The following MAK variants were observed in gnomAD, a reference collection of about 807,000 sequenced individuals.
The protein encoded by MAK is serine/threonine-protein kinase MAK.
MAK carries 65 observed loss-of-function variants against 82.6 expected under a neutral mutation model. That is an observed-to-expected ratio of 0.79 (90% CI 0.64 to 0.97). The LOEUF is 0.97. Among genes scored for constraint, MAK ranks in the 50% least tolerant of loss-of-function variants. The pLI, the probability that MAK is intolerant of heterozygous loss-of-function variation, is 0.00. For missense variants in MAK, 703 were observed against 780.2 expected, an observed-to-expected ratio of 0.90 and a Z score of 1.18; for synonymous variants, 250 against 274.2, an observed-to-expected ratio of 0.91 and a Z score of 0.87.
At chr6:10,799,931 C>G (rs909204927) in intron 8 of MAK, among the ~76,000 whole-genome samples, 1 of 152,116 alleles carries the variant, frequency 6.6e-6, no homozygotes, top group Non-Finnish European at 1.5e-5. Context: ...ACCTGTAGTC[C>G]CAGCTACTAG....
chr6:10,805,085 G>C (rs1776318510), intron 6 of MAK, among the ~76,000 whole-genome samples: 1 of 138,570 alleles, frequency 7.2e-6, no homozygotes, highest in African/African-American at 2.6e-5. Context: ...GGGGGGTGGG[G>C]AGGGGGCGTG....
intron 11 of MAK, among the ~76,000 whole-genome samples, chr6:10,778,060 G>A (rs1196492296): frequency 6.6e-6 from 1 of 152,198 alleles, no homozygotes; most frequent in Non-Finnish European, 1.5e-5. Flanking sequence ...CTGTTAGGAA[G>A]AAGCATAAAT....
intron 6 of MAK, among the ~76,000 whole-genome samples, 187 bp downstream of exon 6, chr6:10,808,621 TTC>T (rs1292860694): frequency 3.3e-5 from 5 of 152,200 alleles, no homozygotes; most frequent in African/African-American, 4.8e-5. Flanking sequence ...ATAAATGAAA[TTC>T]TTTTTCCTTT....
intron 7 of MAK, 102 bp from the exon 8 acceptor site, chr6:10,802,161 G>A: frequency 1.2e-6 from 1 of 865,190 alleles, no homozygotes. Context: ...ATTTATGTTT[G>A]AACATTTTCA....
intron 11 of MAK, among the ~76,000 whole-genome samples, chr6:10,783,782 A>G (rs1236212837): frequency 6.6e-6 from 1 of 152,210 alleles, no homozygotes; most frequent in African/African-American, 2.4e-5. Context: ...GCACTTTGGG[A>G]GGCCAAGGCG....
At chr6:10,780,904 C>T (rs559554173) in intron 11 of MAK, among the ~76,000 whole-genome samples, 1 of 152,014 alleles carries the variant, frequency 6.6e-6, no homozygotes, top group East Asian at 1.9e-4. Context: ...CTCATGATTT[C>T]AACACCAAAA....
intron 2 of MAK, chr6:10,827,681 T>C (rs1271522410): frequency 6.6e-6 from 1 of 152,198 alleles, no homozygotes; most frequent in Non-Finnish European, 1.5e-5. Flanking sequence ...TGTTTTACTT[T>C]TGTTTTTGTT....
chr6:10,827,856 A>T (rs1778502245), intron 2 of MAK: 1 of 151,654 alleles, frequency 6.6e-6, no homozygotes, highest in African/African-American at 2.4e-5. Context: ...TAATTTTTGT[A>T]TTTTCTGTAG....
At chr6:10,771,737 A>T (rs76875132) in intron 13 of MAK, among the ~76,000 whole-genome samples, 55 of 152,376 alleles carry the variant, frequency 3.6e-4, no homozygotes, top group African/African-American at 1.3e-3. Flanking sequence ...AAAGGGTTAC[A>T]TACAGTGAGC....
In MAK at chr6:10,773,084, T is replaced by C; in HGVS notation, c.1622A>G (p.Glu541Gly). Reference sequence around the variant, plus strand: ...AAAAGTTTCATTGCATGATAGTTTTTCGATTGGTTTAATTATGCTTTCTTC... The same window carrying C: ...AAAAGTTTCATTGCATGATAGTTTTCCGATTGGTTTAATTATGCTTTCTTC... ...NAEESIIKPI[E>G]KLSCNETFPE... The change falls in exon 13 of 15, where the codon GAA (glutamate) becomes GGA (glycine). Residue 541 changes from glutamate (E) to glycine (G), a missense_variant. Glu to Gly is a moderately conservative substitution (Grantham distance 98, BLOSUM62 -2). Transcript: ENST00000354489. 6.5e-7 allele frequency: 1 copy of C among 1,527,762 alleles called. No homozygotes were observed. Among genetic ancestry groups the C allele is most frequent in the Non-Finnish European group, 8.8e-7 (1 of 1,140,128 alleles). 94.6% of individuals were successfully genotyped at this position (1,527,762 alleles called of 1,614,324 possible).
chr6:10,797,548 T>C (rs1026190325), intron 8 of MAK: 1 of 975,906 alleles, frequency 1.0e-6, no homozygotes, highest in Non-Finnish European at 1.2e-6. Context: ...ACCGAAAAAA[T>C]ATTCTACAGA....
intron 2 of MAK, among the ~76,000 whole-genome samples, chr6:10,822,337 C>G (rs1778026149): frequency 6.6e-6 from 1 of 151,672 alleles, no homozygotes; most frequent in Admixed American, 6.6e-5. Context: ...GCCTATAATC[C>G]CAGCTACTTG....
intron 14 of MAK, among the ~76,000 whole-genome samples, chr6:10,767,013 C>CTGGGGT (rs1561925486): frequency 6.6e-6 from 1 of 152,174 alleles, no homozygotes; most frequent in African/African-American, 2.4e-5. Context: ...AAGAACCTAA[C>CTGGGGT]AGCTGAGAGG....
chr6:10,802,429 C>CTTTTTTAA, intron 7 of MAK: 3 of 212,494 alleles, frequency 1.4e-5, no homozygotes, highest in South Asian at 1.4e-4. Flanking sequence ...CCTCAGACTC[C>CTTTTTTAA]TGAGTAGCTG....
chr6:10,772,405 G>A (rs545392607), intron 13 of MAK, among the ~76,000 whole-genome samples: 18 of 151,452 alleles, frequency 1.2e-4, no homozygotes, highest in South Asian at 2.1e-4. Flanking sequence ...GTGCAGTGGC[G>A]CAATCTTGGT....
At chr6:10,818,311 A>C (rs935366303) in intron 3 of MAK, among the ~76,000 whole-genome samples, 1 of 152,204 alleles carries the variant, frequency 6.6e-6, no homozygotes, top group African/African-American at 2.4e-5. Flanking sequence ...GTATGTAGTA[A>C]TTTAAAAAGT....
At chr6:10,775,553 C>G in intron 11 of MAK, 94 bp from the exon 12 acceptor site, 1 of 1,339,364 alleles carries the variant, frequency 7.5e-7, no homozygotes, top group South Asian at 1.2e-5. Context: ...CTAGAGACAC[C>G]TTGGACAGGA....
intron 11 of MAK, among the ~76,000 whole-genome samples, chr6:10,782,124 T>C (rs755048140): frequency 1.2e-4 from 18 of 151,528 alleles, no homozygotes; most frequent in Non-Finnish European, 7.4e-5. Context: ...GGAGAATCGC[T>C]TCAACCCAGG....
chr6:10,806,042 T>C (rs1295392707), intron 6 of MAK, among the ~76,000 whole-genome samples: 1 of 152,186 alleles, frequency 6.6e-6, no homozygotes, highest in African/African-American at 2.4e-5. Context: ...TCTCACGTAG[T>C]GAATGAGTTC....
Sources: allele counts gnomAD v4.1 joint callset (sites outside exome capture counted in the v4.1 genomes callset), GRCh38; gene constraint gnomAD v4.1.1; transcripts MANE v1.5; gene names NCBI Gene and HGNC (gene_info 2026-07-23, HGNC 2026-07-21).